Variants in PTPRD observed in about 807,000 individuals in gnomAD.
PTPRD encodes the protein protein tyrosine phosphatase receptor type D.
Under a neutral mutation model 214.5 loss-of-function variants are expected in PTPRD, and 34 were observed. The ratio of observed to expected loss-of-function variants is 0.16; its 90% confidence interval spans 0.12 to 0.21. PTPRD has a LOEUF of 0.21. Among genes scored for constraint, PTPRD ranks in the 10% least tolerant of loss-of-function variants. PTPRD has a pLI of 1.00. For missense variants in PTPRD, 2,545 were observed against 2,398.7 expected, an observed-to-expected ratio of 1.06 and a Z score of -1.27; for synonymous variants, 1,128 against 845.7, an observed-to-expected ratio of 1.33 and a Z score of -5.79.
Position 9,152,446 on chromosome 9 carries a change from G to A in PTPRD, c.-143+30858C>T, listed in dbSNP as rs190944495. 9.3e-4 allele frequency among the ~76,000 whole-genome samples: 141 copies of A among 152,202 alleles called. 1 individual carries two copies. Among genetic ancestry groups the A allele is most frequent in the Middle Eastern group, 3.4e-3 (1 of 294 alleles). On this transcript the variant is annotated intron_variant, in intron 10 of 45. Coordinates refer to ENST00000381196, the MANE Select transcript of PTPRD (RefSeq NM_002839.4). ...CTTGATTTGTTTTTAAGTCTCAAGGGGGAAATTATGATGTTCACACACAGG... is the reference window on the plus strand; with the variant it reads ...CTTGATTTGTTTTTAAGTCTCAAGGAGGAAATTATGATGTTCACACACAGG...
chr9:10,357,501 T>C (rs150876169), intron 2 of PTPRD, among the ~76,000 whole-genome samples: 72 of 152,302 alleles, frequency 4.7e-4, no homozygotes, highest in African/African-American at 1.5e-3. Context: ...AGCATTTACA[T>C]GGTGGAGTTG....
At chr9:9,870,715 G>T (rs572166332) in intron 5 of PTPRD, among the ~76,000 whole-genome samples, 2 of 152,134 alleles carry the variant, frequency 1.3e-5, no homozygotes, top group Non-Finnish European at 2.9e-5. Flanking sequence ...ATTTGAGGAT[G>T]AAGTGTACTG....
At chr9:9,895,734 T>G (rs993422996) in intron 5 of PTPRD, among the ~76,000 whole-genome samples, 1 of 152,112 alleles carries the variant, frequency 6.6e-6, no homozygotes, top group Non-Finnish European at 1.5e-5. Context: ...GCAATTATTT[T>G]TGTTTCTTCA....
At chr9:10,155,185 G>C (rs1011535704) in intron 3 of PTPRD, among the ~76,000 whole-genome samples, 104 of 152,048 alleles carry the variant, frequency 6.8e-4, no homozygotes, top group African/African-American at 2.1e-3. Context: ...TGTAATCCTA[G>C]GTATTTTACT....
intron 8 of PTPRD, among the ~76,000 whole-genome samples, chr9:9,486,185 A>AAAAAACCC (rs2095628114): frequency 7.3e-6 from 1 of 136,178 alleles, no homozygotes; most frequent in Non-Finnish European, 1.6e-5. Flanking sequence ...AAAAAAAAAA[A>AAAAAACCC]GCCTTCCCTT....
At chr9:9,198,844 A>T (rs1384962800) in intron 9 of PTPRD, among the ~76,000 whole-genome samples, 4 of 152,176 alleles carry the variant, frequency 2.6e-5, no homozygotes, top group Non-Finnish European at 4.4e-5. Flanking sequence ...GAAGAGGTAG[A>T]TGAACAGAAC....
chr9:9,273,581 A>G (rs763865478), intron 9 of PTPRD, among the ~76,000 whole-genome samples: 2 of 151,346 alleles, frequency 1.3e-5, no homozygotes, highest in Non-Finnish European at 3.0e-5. Context: ...AAACATTTTA[A>G]TGTTTTCTTC....
At chr9:10,085,134 T>C (rs1251771340) in intron 3 of PTPRD, among the ~76,000 whole-genome samples, 1 of 151,940 alleles carries the variant, frequency 6.6e-6, no homozygotes, top group Non-Finnish European at 1.5e-5. Flanking sequence ...TTAATATTTC[T>C]ATTTGTGTAA....
chr9:9,099,800 A>G (rs2099788837), intron 10 of PTPRD, among the ~76,000 whole-genome samples: 1 of 152,194 alleles, frequency 6.6e-6, no homozygotes, highest in African/African-American at 2.4e-5. Flanking sequence ...CATTGAAAGG[A>G]TAAGTCACTG....
At chr9:10,231,666 T>C (rs559716191) in intron 3 of PTPRD, among the ~76,000 whole-genome samples, 3 of 152,120 alleles carry the variant, frequency 2.0e-5, no homozygotes, top group Admixed American at 2.0e-4. Context: ...GCTTAATAAA[T>C]GCTTGTTGAA....
chr9:9,978,817 T>C (rs2095447050), intron 4 of PTPRD, among the ~76,000 whole-genome samples: 1 of 151,920 alleles, frequency 6.6e-6, no homozygotes, highest in South Asian at 2.1e-4. Context: ...AGGTACACAC[T>C]GAGATACATC....
chr9:9,815,240 TGA>T (rs893801551), intron 5 of PTPRD, among the ~76,000 whole-genome samples: 3 of 152,072 alleles, frequency 2.0e-5, no homozygotes, highest in African/African-American at 7.2e-5. Flanking sequence ...TAATCTTTGA[TGA>T]GAGTGCCAAG....
At chr9:9,361,437 C>T (rs974740225) in intron 9 of PTPRD, among the ~76,000 whole-genome samples, 1 of 150,896 alleles carries the variant, frequency 6.6e-6, no homozygotes, top group Admixed American at 6.6e-5. Flanking sequence ...CCTGGCATTC[C>T]TCAATTTTAT....
At chr9:9,540,545 G>A (rs1251222156) in intron 8 of PTPRD, among the ~76,000 whole-genome samples, 3 of 151,704 alleles carry the variant, frequency 2.0e-5, no homozygotes, top group African/African-American at 7.3e-5. Flanking sequence ...TCCAGAACAA[G>A]GGACATTTAG....
At chr9:9,246,058 C>G (rs1352290402) in intron 9 of PTPRD, among the ~76,000 whole-genome samples, 1 of 151,996 alleles carries the variant, frequency 6.6e-6, no homozygotes, top group African/African-American at 2.4e-5. Context: ...TGAGACTAAA[C>G]TGATTTTGCA....
intron 11 of PTPRD, among the ~76,000 whole-genome samples, chr9:8,806,398 GA>G (rs1048654063): frequency 6.6e-6 from 1 of 151,474 alleles, no homozygotes; most frequent in Non-Finnish European, 1.5e-5. Flanking sequence ...ATAATTTTTT[GA>G]AAAAAACACA....
intron 2 of PTPRD, among the ~76,000 whole-genome samples, chr9:10,349,649 C>A (rs966909485): frequency 1.3e-5 from 2 of 151,988 alleles, no homozygotes; most frequent in Admixed American, 1.3e-4. Flanking sequence ...ATAAAAAGGT[C>A]ATTTTCATTT....
chr9:8,945,209 C>T (rs1332896260), intron 11 of PTPRD, among the ~76,000 whole-genome samples: 1 of 151,926 alleles, frequency 6.6e-6, no homozygotes, highest in African/African-American at 2.4e-5. Context: ...AACAGAAAAT[C>T]ATTCATGGTA....
rs774692181 is a variant in PTPRD at position 10,174,812 on chromosome 9, A to T, written c.-544-141022T>A. ...ACTAATAATAAAAAAGTAACCCCAT[A>T]GTAAATTAAACTCTATGCTTAATGT... On this transcript the variant is annotated intron_variant, in intron 3 of 45. Transcript: ENST00000381196. Among the ~76,000 whole-genome samples, 185 of 152,230 alleles carry T rather than the reference A, an allele frequency of 1.2e-3. 3 individuals are homozygous for T. The highest frequency in any genetic ancestry group is 2.4e-3 in the Non-Finnish European group (164 of 67,988).
Sources: allele counts gnomAD v4.1 joint callset (sites outside exome capture counted in the v4.1 genomes callset), GRCh38; gene constraint gnomAD v4.1.1; transcripts MANE v1.5; gene names NCBI Gene and HGNC (gene_info 2026-07-23, HGNC 2026-07-21).